Variants in FILIP1L observed in about 807,000 individuals in gnomAD.
The protein encoded by FILIP1L is filamin A interacting protein 1 like.
A neutral mutation model predicts 96.6 loss-of-function variants in FILIP1L; 55 were observed. The ratio of observed to expected loss-of-function variants is 0.57; its 90% confidence interval spans 0.46 to 0.71. The LOEUF is 0.71. Among genes scored for constraint, FILIP1L ranks in the 30% least tolerant of loss-of-function variants. The pLI, the probability that FILIP1L is intolerant of heterozygous loss-of-function variation, is 0.00. For synonymous variants in FILIP1L, 467 were observed against 473.9 expected (o/e 0.99, Z 0.19); for missense variants, 1,304 against 1,321.2 (o/e 0.99, Z 0.20).
At chr3:99,833,255 G>C in intron 5 of FILIP1L, 1 of 1,611,496 alleles carries the variant, frequency 6.2e-7, no homozygotes, top group South Asian at 1.1e-5. Context: ...AGAAGAAGTG[G>C]TTCCACCTAG....
At chr3:99,983,476 A>ATG (rs1709224411) in intron 1 of FILIP1L, among the ~76,000 whole-genome samples, 8 of 16,684 alleles carry the variant, frequency 4.8e-4, no homozygotes, top group African/African-American at 1.8e-3. Flanking sequence ...ATATATATAT[A>ATG]TATATATATA....
chr3:99,907,270 CAG>C (rs1706649033), intron 4 of FILIP1L, among the ~76,000 whole-genome samples: 1 of 151,866 alleles, frequency 6.6e-6, no homozygotes. Flanking sequence ...TTTTTTGAGA[CAG>C]AGTCTCACTC....
chr3:99,962,996 C>T (rs1408136784), intron 1 of FILIP1L, among the ~76,000 whole-genome samples: 1 of 152,186 alleles, frequency 6.6e-6, no homozygotes, highest in East Asian at 1.9e-4. Context: ...AGAGATTGCT[C>T]TCTTGATGGA....
At position 100,004,840 on chromosome 3, in the gene FILIP1L, G is replaced by A. The variant is rs148254105; in HGVS notation, c.-10-73810C>T. 7.2e-3 allele frequency among the ~76,000 whole-genome samples: 1,095 copies of A among 152,342 alleles called. 4 individuals carry two copies. The highest frequency in any genetic ancestry group is 1.0e-2 in the African/African-American group (415 of 41,584). On this transcript the variant is annotated intron_variant, in intron 1 of 5. Transcript: ENST00000477258. ...GTTTGAGTTTCCCCCTATGGGGCAG[G>A]TGGGGAAAATCTGGCCACTGAGAGA...
chr3:99,959,338 C>A (rs919540431), intron 1 of FILIP1L, among the ~76,000 whole-genome samples: 2 of 152,076 alleles, frequency 1.3e-5, no homozygotes, highest in African/African-American at 4.8e-5. Flanking sequence ...TTAGCAGAGG[C>A]GGGGTTTCGC....
chr3:100,038,341 CA>C (rs983788931), intron 1 of FILIP1L, among the ~76,000 whole-genome samples: 1 of 151,658 alleles, frequency 6.6e-6, no homozygotes, highest in Non-Finnish European at 1.5e-5. Context: ...TGAGCCCATC[CA>C]AAAAAAATTG....
chr3:99,848,350 C>T lies in FILIP1L; in HGVS notation c.3326G>A (p.Ser1109Asn). ...GGCTGTTGGTGTGATAGTAATACTGCTGGTGACTTTATTGGTTGTTTTGTT... is the reference window on the plus strand; with the variant it reads ...GGCTGTTGGTGTGATAGTAATACTGTTGGTGACTTTATTGGTTGTTTTGTT... Reference protein sequence around the residue: ...ALNKTTNKVTSSITITPTATP... With the variant: ...ALNKTTNKVTNSITITPTATP... Residue 1109 changes from serine (S) to asparagine (N), a missense_variant, in exon 5 of 6, where the codon AGC becomes AAC. Ser to Asn is a conservative substitution (Grantham distance 46). Coordinates refer to ENST00000477258, the MANE Select transcript of FILIP1L (RefSeq NM_001387850.1). 2 of 1,614,106 alleles carry T rather than the reference C, an allele frequency of 1.2e-6. No individual in the cohort carries two copies. Among genetic ancestry groups the T allele is most frequent in the South Asian group, 2.2e-5 (2 of 91,066 alleles).
intron 1 of FILIP1L, among the ~76,000 whole-genome samples, chr3:99,981,941 C>T (rs1037900221): frequency 6.6e-6 from 1 of 152,148 alleles, no homozygotes; most frequent in African/African-American, 2.4e-5. Context: ...GCCTGGATAA[C>T]ATAGTGAGAT....
rs1158141274 is a variant in FILIP1L at position 99,888,546 on chromosome 3, G to A, written c.605+35684C>T. Among the ~76,000 whole-genome samples, 12 of 152,240 alleles carry A rather than the reference G, an allele frequency of 7.9e-5. No individual in the cohort carries two copies. The South Asian group carries it at 8.3e-4, about 11-fold the overall frequency. On this transcript the variant is annotated intron_variant, in intron 4 of 5. Coordinates refer to ENST00000477258, the MANE Select transcript of FILIP1L (RefSeq NM_001387850.1). ...CTGAATATTAATGAGTTGGTTCGTT[G>A]GTTGGTTTTGTAGAGGTGCCTGTTT...
chr3:99,998,914 T>G (rs941253719), intron 1 of FILIP1L, among the ~76,000 whole-genome samples: 14 of 152,170 alleles, frequency 9.2e-5, no homozygotes, highest in African/African-American at 3.1e-4. Context: ...ACTAGAAACT[T>G]TCAGTAGTTC....
chr3:100,084,463 C>G (rs991538481), intron 1 of FILIP1L, among the ~76,000 whole-genome samples: 1 of 152,062 alleles, frequency 6.6e-6, no homozygotes, highest in East Asian at 1.9e-4. Flanking sequence ...TATAGAAAAA[C>G]TCAAAGAAAA....
In FILIP1L at chr3:99,935,624, C is replaced by G. The variant is rs1055302524; in HGVS notation, c.-10-4594G>C. ...CTTTGACCTCTACCCTGTTCCTCAC[C>G]CCCTGATGGATCCCGTGATAGCAGG... On this transcript the variant is annotated intron_variant, in intron 1 of 5. Coordinates refer to ENST00000477258, the MANE Select transcript of FILIP1L (RefSeq NM_001387850.1). Among the ~76,000 whole-genome samples the G allele has an allele frequency of 2.6e-5, 4 of 152,320 alleles. No individual in the cohort carries two copies. In the East Asian group the frequency reaches 7.7e-4, roughly 29 times the overall value.
chr3:99,831,023 T>G (rs1942653157), intron 5 of FILIP1L, among the ~76,000 whole-genome samples: 2 of 152,160 alleles, frequency 1.3e-5, no homozygotes. Context: ...GTTTTCACAG[T>G]ATGAGTGAGA....
At chr3:99,837,131 A>G (rs903437600) in intron 5 of FILIP1L, among the ~76,000 whole-genome samples, 1 of 152,220 alleles carries the variant, frequency 6.6e-6, no homozygotes, top group Non-Finnish European at 1.5e-5. Context: ...ACATACTCTT[A>G]TAATCAGGAA....
chr3:99,918,990 T>G (rs1018447707), intron 4 of FILIP1L, among the ~76,000 whole-genome samples: 21 of 152,210 alleles, frequency 1.4e-4, no homozygotes, highest in African/African-American at 5.1e-4. Context: ...GTACAATGTA[T>G]TCTACAACAA....
chr3:100,095,212 T>C (rs2066183574), intron 1 of FILIP1L, among the ~76,000 whole-genome samples: 5 of 152,230 alleles, frequency 3.3e-5, no homozygotes, highest in Admixed American at 3.3e-4. Flanking sequence ...TTAGTTATTC[T>C]ATTTACCTTT....
At chr3:99,955,008 C>G (rs916916509) in intron 1 of FILIP1L, among the ~76,000 whole-genome samples, 10 of 152,184 alleles carry the variant, frequency 6.6e-5, no homozygotes. Context: ...TTGCCTCTTA[C>G]AAAGATTCCA....
In FILIP1L at chr3:99,829,413, G is replaced by A. The variant is rs567078728; in HGVS notation, c.*1001C>T. ...AGAATTGCTTTAGCTTTCTGCCAGG[G>A]GACTGTGTCTACCCTTATAGATGAC... is the stretch of plus-strand genomic sequence containing the variant. On this transcript the variant is annotated 3_prime_UTR_variant, in exon 6 of 6. Coordinates refer to ENST00000477258, the MANE Select transcript of FILIP1L (RefSeq NM_001387850.1). Among the ~76,000 whole-genome samples, 96 of 152,084 alleles carry A rather than the reference G, an allele frequency of 6.3e-4. No individual in the cohort carries two copies. Among genetic ancestry groups the A allele is most frequent in the Non-Finnish European group, 1.2e-3 (82 of 68,030 alleles).
intron 1 of FILIP1L, among the ~76,000 whole-genome samples, chr3:100,020,000 C>T (rs757275483): frequency 3.3e-4 from 50 of 152,126 alleles, no homozygotes; most frequent in Non-Finnish European, 4.6e-4. Flanking sequence ...ATTTTATTTT[C>T]TGAGTAATAT....
Sources: allele counts gnomAD v4.1 joint callset (sites outside exome capture counted in the v4.1 genomes callset), GRCh38; gene constraint gnomAD v4.1.1; transcripts MANE v1.5; gene names NCBI Gene and HGNC (gene_info 2026-07-23, HGNC 2026-07-21).